TADA2A: variants seen among roughly 807,000 people sequenced by gnomAD.
The protein encoded by TADA2A is transcriptional adapter 2-alpha.
Under a neutral mutation model 67.4 loss-of-function variants are expected in TADA2A, and 38 were observed. That is an observed-to-expected ratio of 0.56 (90% CI 0.44 to 0.74). The LOEUF is 0.74. Among genes scored for constraint, TADA2A ranks in the 30% least tolerant of loss-of-function variants. The pLI, the probability that TADA2A is intolerant of heterozygous loss-of-function variation, is 0.00. For synonymous variants in TADA2A, 192 were observed against 181.6 expected (o/e 1.06, Z -0.46); for missense variants, 454 against 547.0 (o/e 0.83, Z 1.70).
Position 37,424,864 on chromosome 17 carries a change from C to A in TADA2A, c.132+1249C>A, listed in dbSNP as rs539196451. Among the ~76,000 whole-genome samples the A allele has an allele frequency of 1.3e-5, 2 of 149,222 alleles. 1 individual carries two copies. Among genetic ancestry groups the A allele is most frequent in the East Asian group, 4.1e-4 (2 of 4,938 alleles). On this transcript the variant is annotated intron_variant, in intron 3 of 15. Coordinates refer to ENST00000615182, the MANE Select transcript of TADA2A (RefSeq NM_001166105.3). ...GAGCCACCGTGCCCAGCTATTTTTT[C>A]TTTTTTTTCTTTTCCACGACAGAGT...
intron 12 of TADA2A, among the ~76,000 whole-genome samples, chr17:37,467,997 G>A (rs2053703669): frequency 6.6e-6 from 1 of 151,832 alleles, no homozygotes; most frequent in East Asian, 1.9e-4. Context: ...CACAAGAATC[G>A]CTTGAACCTG....
chr17:37,473,381 G>A (rs1358801828), intron 14 of TADA2A, among the ~76,000 whole-genome samples: 1 of 152,032 alleles, frequency 6.6e-6, no homozygotes, highest in Non-Finnish European at 1.5e-5. Context: ...AGGCAACTAT[G>A]TATTGGAAGC....
intron 4 of TADA2A, among the ~76,000 whole-genome samples, chr17:37,432,228 A>G: frequency 6.6e-6 from 1 of 151,660 alleles, no homozygotes; most frequent in Non-Finnish European, 1.5e-5. Context: ...GCAATTGCAC[A>G]ATCTCGGCTC....
rs138776836 is a variant in TADA2A at position 37,412,622 on chromosome 17, A to G, written c.25+1232A>G. Among the ~76,000 whole-genome samples the G allele has an allele frequency of 9.8e-3, 1,489 of 152,120 alleles. 19 individuals are homozygous for G. The highest frequency in any genetic ancestry group is 0.014 in the Non-Finnish European group (962 of 67,986). On this transcript the variant is annotated intron_variant, in intron 2 of 15. Transcript: ENST00000615182. ...AACAAGGCAAAACCCCGTCTCTACT[A>G]AAAATACAAAAATTAGCTGGGGGTA...
chr17:37,471,323 TC>T (rs1373155237), intron 14 of TADA2A, among the ~76,000 whole-genome samples, 186 bp downstream of exon 14: 7 of 152,030 alleles, frequency 4.6e-5, no homozygotes, highest in Non-Finnish European at 1.0e-4. Context: ...ACAGAGACTA[TC>T]CTCAGAGTGA....
At chr17:37,468,270 C>T (rs2053710593) in intron 12 of TADA2A, among the ~76,000 whole-genome samples, 1 of 152,078 alleles carries the variant, frequency 6.6e-6, no homozygotes, top group African/African-American at 2.4e-5. Flanking sequence ...TTACCATGTA[C>T]CAGTCTCTAT....
chr17:37,437,387 G>A lies in TADA2A; in HGVS notation c.193-351G>A, dbSNP rs560107955. On this transcript the variant is annotated intron_variant, in intron 4 of 15. Coordinates refer to ENST00000615182, the MANE Select transcript of TADA2A (RefSeq NM_001166105.3). ...ATTACAGGCGTGAGCCACTGTGCCC[G>A]GCCTATTTTTGATTTTTGAGACAGA... Among the ~76,000 whole-genome samples the A allele has an allele frequency of 2.4e-4, 36 of 151,374 alleles. 1 individual carries two copies. Among genetic ancestry groups the A allele is most frequent in the Non-Finnish European group, 2.1e-4 (14 of 67,894 alleles).
rs764738438 is a variant in TADA2A, at chr17:37,437,046, CTA to C, written c.193-690_193-689del. 4.0e-5 allele frequency among the ~76,000 whole-genome samples: 6 copies of C among 151,580 alleles called. No individual in the cohort carries two copies. The East Asian group carries it at 7.7e-4, about 20-fold the overall frequency. On this transcript the variant is annotated intron_variant, in intron 4 of 15. Transcript: ENST00000615182. ...GTATCTCTCATCATTCGGCTGTAAA[CTA>C]TTACTACAGTTGAAGTTCCTAGATT...
intron 9 of TADA2A, among the ~76,000 whole-genome samples, chr17:37,461,493 G>T (rs972004002): frequency 6.6e-6 from 1 of 152,190 alleles, no homozygotes; most frequent in Non-Finnish European, 1.5e-5. Flanking sequence ...AACTTTGCCT[G>T]GTTTAAATTC....
intron 7 of TADA2A, among the ~76,000 whole-genome samples, chr17:37,443,109 T>A (rs895080609): frequency 6.6e-6 from 1 of 151,856 alleles, no homozygotes; most frequent in Non-Finnish European, 1.5e-5. Flanking sequence ...CTGTAGCGAG[T>A]GGTGATCATT....
At chr17:37,471,284 C>T in intron 14 of TADA2A, 147 bp downstream of exon 14, 1 of 772,852 alleles carries the variant, frequency 1.3e-6, no homozygotes, top group Non-Finnish European at 2.2e-6. Context: ...ATATAAACAT[C>T]AGTATGTTTT....
At chr17:37,415,017 T>C (rs1358054720) in intron 2 of TADA2A, among the ~76,000 whole-genome samples, 1 of 152,062 alleles carries the variant, frequency 6.6e-6, no homozygotes, top group African/African-American at 2.4e-5. Context: ...CTCAGCCTCC[T>C]GAGTAGCTGG....
intron 3 of TADA2A, 44 bp downstream of exon 3, chr17:37,423,659 T>A (rs2052314528): frequency 1.4e-6 from 2 of 1,408,472 alleles, no homozygotes; most frequent in African/African-American, 1.4e-5. Flanking sequence ...TTTTATGCTA[T>A]TTTTTATGAT....
At chr17:37,411,466 A>G (rs2051866372) in intron 2 of TADA2A, 76 bp downstream of exon 2, 1 of 1,397,574 alleles carries the variant, frequency 7.2e-7, no homozygotes, top group African/African-American at 1.4e-5. Flanking sequence ...TCTGTTGCCC[A>G]GGCTGGGGTA....
intron 1 of TADA2A, among the ~76,000 whole-genome samples, chr17:37,410,313 T>TA (rs781055293): frequency 5.5e-4 from 83 of 150,946 alleles, no homozygotes; most frequent in Middle Eastern, 3.5e-3. Context: ...GCTGGAACCA[T>TA]AAGCATGGGC....
Position 37,477,047 on chromosome 17 carries a change from G to A in TADA2A, c.*65G>A. 1 of 1,491,392 alleles carries A rather than the reference G, an allele frequency of 6.7e-7. No homozygotes were observed. The highest frequency in any genetic ancestry group is 9.1e-7 in the Non-Finnish European group (1 of 1,103,560). 92.4% of individuals were successfully genotyped at this position (1,491,392 alleles called of 1,614,324 possible). A position where few individuals can be genotyped will look rare whatever the true frequency, so the allele number is the denominator to read the frequency against. ...TGTGGTGGGTCAAAGGACAATATGG[G>A]TGGGCATTCTGGAGAGTTGTTTTTC... is the stretch of plus-strand genomic sequence containing the variant. On this transcript the variant is annotated 3_prime_UTR_variant, in exon 16 of 16. Coordinates refer to ENST00000615182, the MANE Select transcript of TADA2A (RefSeq NM_001166105.3).
At chr17:37,443,812 G>A (rs2052993372) in intron 7 of TADA2A, among the ~76,000 whole-genome samples, 1 of 152,100 alleles carries the variant, frequency 6.6e-6, no homozygotes, top group African/African-American at 2.4e-5. Flanking sequence ...ACTGATTCCT[G>A]TACTATATCC....
intron 8 of TADA2A, among the ~76,000 whole-genome samples, chr17:37,445,657 T>G (rs886092576): frequency 1.3e-5 from 2 of 152,196 alleles, no homozygotes; most frequent in African/African-American, 4.8e-5. Flanking sequence ...CAAAGAGCTG[T>G]TAAGAGTAGA....
intron 8 of TADA2A, among the ~76,000 whole-genome samples, chr17:37,448,507 T>C (rs1379784284): frequency 6.6e-6 from 1 of 152,228 alleles, no homozygotes; most frequent in East Asian, 1.9e-4. Flanking sequence ...AAGACTCATA[T>C]CTTAGAACTG....
Sources: gnomAD v4.1 joint callset for allele counts (sites outside exome capture counted in the v4.1 genomes callset) on GRCh38, gnomAD v4.1.1 for gene constraint, MANE v1.5 for transcripts, NCBI Gene and HGNC (gene_info 2026-07-23, HGNC 2026-07-21) for gene names.